DGKH: variants seen among roughly 807,000 people sequenced by gnomAD.
The protein encoded by DGKH is diacylglycerol kinase eta.
Under a neutral mutation model 159.3 loss-of-function variants are expected in DGKH, and 90 were observed. The observed-to-expected ratio is 0.57, with a 90% confidence interval of 0.48 to 0.67. The LOEUF is 0.67. Ranked by LOEUF, DGKH falls within the 30% of genes least tolerant of loss-of-function variation. DGKH has a pLI of 0.00. For synonymous variants in DGKH, 536 were observed against 553.8 expected (o/e 0.97, Z 0.45); for missense variants, 1,181 against 1,506.1 (o/e 0.78, Z 3.57).
intron 18 of DGKH, 39 bp downstream of exon 18, chr13:42,198,634 TC>T (rs772001067): frequency 2.7e-6 from 4 of 1,502,068 alleles, no homozygotes; most frequent in East Asian, 2.3e-5. Flanking sequence ...TTTGGGTTTT[TC>T]TTGTTTTTTT....
chr13:42,048,523 G>A (rs945973775), upstream of DGKH, among the ~76,000 whole-genome samples: 1 of 152,178 alleles, frequency 6.6e-6, no homozygotes, highest in African/African-American at 2.4e-5. This position sits in a 1 kb window ranked among gnomAD's most constrained non-coding sequence, Gnocchi z 6.7. Context: ...CGAGGCGGGC[G>A]GGGGTCCGTT....
At chr13:42,185,415 T>C (rs1170117) in intron 13 of DGKH, among the ~76,000 whole-genome samples, 12,890 of 152,162 alleles carry the variant, frequency 0.085, 1,503 homozygotes, top group African/African-American at 0.26. Flanking sequence ...CTCAGTGACA[T>C]GGCACACTGA....
chr13:42,046,168 C>T (rs1377011928), upstream of DGKH, among the ~76,000 whole-genome samples: 1 of 152,252 alleles, frequency 6.6e-6, no homozygotes, highest in South Asian at 2.1e-4. Context: ...TAAGCAATTA[C>T]TGAAAAATCT....
At chr13:42,187,941 C>T (rs961718515) in intron 14 of DGKH, among the ~76,000 whole-genome samples, 3 of 152,148 alleles carry the variant, frequency 2.0e-5, no homozygotes, top group African/African-American at 7.2e-5. Flanking sequence ...TAAAAACTAC[C>T]ATCTTTGCTT....
chr13:42,176,691 T>A (rs537492173), intron 12 of DGKH, among the ~76,000 whole-genome samples: 7 of 152,310 alleles, frequency 4.6e-5, no homozygotes, highest in African/African-American at 1.4e-4. Flanking sequence ...AATCTTCAAA[T>A]AAGTCTGAAT....
intron 24 of DGKH, among the ~76,000 whole-genome samples, chr13:42,210,979 T>C (rs1000632284): frequency 6.6e-6 from 1 of 152,184 alleles, no homozygotes; most frequent in African/African-American, 2.4e-5. Context: ...TAATTACTAA[T>C]TAAATGTTTA....
chr13:42,184,336 G>T (rs1956853396), intron 13 of DGKH, among the ~76,000 whole-genome samples: 1 of 152,058 alleles, frequency 6.6e-6, no homozygotes, highest in Admixed American at 6.5e-5. Context: ...ACTGTCATTT[G>T]CCCACACTTT....
At chr13:42,187,259 C>A (rs374093328) in intron 14 of DGKH, 111 bp downstream of exon 14, 2 of 848,632 alleles carry the variant, frequency 2.4e-6, no homozygotes, top group South Asian at 1.8e-5. Flanking sequence ...CATCTTAAAT[C>A]GAGAGAAAAA....
Position 42,221,274 on chromosome 13 carries a change from G to A in DGKH, c.3453G>A (p.Trp1151Ter), listed in dbSNP as rs201445827. 2.5e-6 allele frequency: 4 copies of A among 1,613,484 alleles called. No individual in the cohort carries two copies. The highest frequency in any genetic ancestry group is 3.4e-6 in the Non-Finnish European group (4 of 1,179,572). ...TCTTAACTTTGGTAGTTCAGAAATGGGGCACAGAGGAAGTTGCTGCTTGGC... is the reference window on the plus strand; with the variant it reads ...TCTTAACTTTGGTAGTTCAGAAATGAGGCACAGAGGAAGTTGCTGCTTGGC... ...QKTSSQPVQK[W>*]GTEEVAAWLD... Residue 1151 changes from tryptophan to a stop codon, truncating the protein, a stop_gained, in exon 29 of 30, where the codon TGG becomes TGA. Transcript: ENST00000337343. LOFTEE classifies it high-confidence loss of function.
At chr13:42,052,446 CT>C (rs1482381918) in intron 1 of DGKH, among the ~76,000 whole-genome samples, 14 of 152,308 alleles carry the variant, frequency 9.2e-5, no homozygotes, top group Non-Finnish European at 1.8e-4. Flanking sequence ...TTATGCCTGC[CT>C]TTATTTCCCA....
intron 3 of DGKH, among the ~76,000 whole-genome samples, chr13:42,137,841 T>C (rs1955433642): frequency 6.6e-6 from 1 of 152,206 alleles, no homozygotes; most frequent in South Asian, 2.1e-4. Context: ...ATTTTAAAAA[T>C]TTGGAAAAAT....
At chr13:42,225,783 A>AT (rs1164369959) in intron 29 of DGKH, among the ~76,000 whole-genome samples, 8 of 151,532 alleles carry the variant, frequency 5.3e-5, no homozygotes, top group African/African-American at 1.9e-4. Flanking sequence ...AAAAAAAAAA[A>AT]AAAGAATATG....
chr13:42,219,464 A>G, intron 27 of DGKH, 115 bp downstream of exon 27: 1 of 1,452,032 alleles, frequency 6.9e-7, no homozygotes, highest in Non-Finnish European at 9.3e-7. Flanking sequence ...ACTACTTTCA[A>G]ATGTTCTGTT....
intron 3 of DGKH, among the ~76,000 whole-genome samples, chr13:42,137,605 T>C (rs1955426949): frequency 6.6e-6 from 1 of 152,220 alleles, no homozygotes; most frequent in Admixed American, 6.5e-5. Flanking sequence ...AACTGGTTAT[T>C]ACATGTTCAG....
chr13:42,148,555 G>T (rs958890223), intron 3 of DGKH, among the ~76,000 whole-genome samples: 1 of 151,434 alleles, frequency 6.6e-6, no homozygotes. Context: ...CTCCCACCAC[G>T]GCTTTCCACT....
downstream of DGKH, among the ~76,000 whole-genome samples, chr13:42,243,449 C>A (rs1285020436): frequency 2.0e-5 from 3 of 152,276 alleles, no homozygotes; most frequent in East Asian, 1.9e-4. Context: ...CCCCAAAAAA[C>A]CACTCGTTAA....
intron 1 of DGKH, among the ~76,000 whole-genome samples, chr13:42,097,403 C>T (rs1004142135): frequency 2.0e-5 from 3 of 152,174 alleles, no homozygotes; most frequent in African/African-American, 7.2e-5. Flanking sequence ...TGTGTTGGTT[C>T]AGTGGGGGGA....
chr13:42,192,959 C>G (rs1957120073), intron 16 of DGKH, among the ~76,000 whole-genome samples: 1 of 152,160 alleles, frequency 6.6e-6, no homozygotes, highest in Non-Finnish European at 1.5e-5. Flanking sequence ...AAAGACTACT[C>G]AAGACTTCTC....
chr13:42,093,809 G>A (rs148448313), intron 1 of DGKH, among the ~76,000 whole-genome samples: 93 of 152,216 alleles, frequency 6.1e-4, no homozygotes, highest in Non-Finnish European at 1.1e-3. Flanking sequence ...TCGAGTAGTC[G>A]AACTTACAAA....
Sources: allele counts gnomAD v4.1 joint callset (sites outside exome capture counted in the v4.1 genomes callset), GRCh38; gene constraint gnomAD v4.1.1; non-coding constraint Gnocchi (gnomAD v3.1); transcripts MANE v1.5; gene names NCBI Gene and HGNC (gene_info 2026-07-23, HGNC 2026-07-21).